CFAP47: variants seen among roughly 807,000 people sequenced by gnomAD.
The protein encoded by CFAP47 is cilia- and flagella-associated protein 47.
Under a neutral mutation model 148.1 loss-of-function variants are expected in CFAP47, and 29 were observed. The observed-to-expected ratio is 0.20, with a 90% CI of 0.15 to 0.27. The LOEUF (loss-of-function observed/expected upper bound fraction) is 0.27, where lower values mean the gene tolerates loss of function less well. CFAP47 is among the 10% of genes least tolerant of loss of function. The pLI is 1.00. For synonymous variants in CFAP47, 664 were observed against 577.3 expected (o/e 1.15, Z -2.15); for missense variants, 1,872 against 1,697.5 (o/e 1.10, Z -1.81).
chrX:35,966,357 AT>A (rs1936406096), intron 8 of CFAP47, among the ~76,000 whole-genome samples: 1 of 104,565 alleles, frequency 9.6e-6, no homozygotes, highest in African/African-American at 3.5e-5. Flanking sequence ...AAAATAAAAA[AT>A]TTTAATAATT....
intron 45 of CFAP47, among the ~76,000 whole-genome samples, chrX:36,216,606 A>G (rs903555986): frequency 8.9e-6 from 1 of 112,026 alleles, no homozygotes; most frequent in African/African-American, 3.2e-5. Context: ...GAGTTTTATT[A>G]TTACTTAAAT....
Position 36,233,948 on chromosome X carries a change from C to T in CFAP47, c.7015-1986C>T, listed in dbSNP as rs181139210. Among the ~76,000 whole-genome samples the T allele has an allele frequency of 9.3e-3, 1,038 of 111,625 alleles. 15 individuals are homozygous for T. The highest frequency in any genetic ancestry group is 0.032 in the African/African-American group (966 of 30,653). ...TAAGAATGTTGAATATTGGCCCCCACTCTCTTCTGGCTTGTAGAGTTTCTA... is the reference window on the plus strand; with the variant it reads ...TAAGAATGTTGAATATTGGCCCCCATTCTCTTCTGGCTTGTAGAGTTTCTA... On this transcript the variant is annotated intron_variant, in intron 46 of 63. Coordinates refer to ENST00000378653, the MANE Select transcript of CFAP47 (RefSeq NM_001304548.2).
chrX:36,119,970 T>C (rs1019081263), intron 33 of CFAP47, among the ~76,000 whole-genome samples: 1 of 109,919 alleles, frequency 9.1e-6, no homozygotes. Context: ...TAAAGGTTTG[T>C]CAATTTTGTT....
At chrX:36,255,319 A>G (rs782191841) in intron 49 of CFAP47, among the ~76,000 whole-genome samples, 2 of 112,662 alleles carry the variant, frequency 1.8e-5, no homozygotes, top group African/African-American at 6.4e-5. Flanking sequence ...TGTTATGAGC[A>G]ACACTTGTGG....
intron 55 of CFAP47, among the ~76,000 whole-genome samples, chrX:36,310,121 C>G (rs189238919): frequency 6.1e-3 from 679 of 110,550 alleles, no homozygotes; most frequent in African/African-American, 0.021. Flanking sequence ...CTGCACATTA[C>G]CAAAGTGTTT....
intron 37 of CFAP47, among the ~76,000 whole-genome samples, chrX:36,158,967 GTAAT>G (rs1006939405): frequency 1.8e-5 from 2 of 111,619 alleles, no homozygotes; most frequent in Non-Finnish European, 3.8e-5. Flanking sequence ...ATTCCTTTTT[GTAAT>G]TAATTAAATG....
intron 57 of CFAP47, among the ~76,000 whole-genome samples, chrX:36,340,454 G>A (rs4641223): frequency 0.33 from 36,426 of 110,861 alleles, 7,017 homozygotes; most frequent in African/African-American, 0.73. Flanking sequence ...TAGAGGCTAC[G>A]AGTCCAATGT....
At position 36,204,892 on chromosome X, in the gene CFAP47, T is replaced by C. The variant is rs782145002; in HGVS notation, c.6664-65T>C. The C allele has an allele frequency of 8.9e-5, 26 of 293,727 alleles. No homozygotes were observed. The South Asian group carries it at 5.0e-3, about 57-fold the overall frequency. The allele number at this position is 293,727 out of a possible 1,213,427, so 24.2% of individuals were successfully genotyped here. On this transcript the variant is annotated intron_variant, in intron 44 of 63. Coordinates refer to ENST00000378653, the MANE Select transcript of CFAP47 (RefSeq NM_001304548.2). Reference sequence around the variant, plus strand: ...AAGGTATAGTCTAAATACATAATGCTGTCTTTTGTGTTTTGGAGGTGAAAG... The same window carrying C: ...AAGGTATAGTCTAAATACATAATGCCGTCTTTTGTGTTTTGGAGGTGAAAG...
At chrX:36,051,257 A>G (rs1156619186) in intron 26 of CFAP47, among the ~76,000 whole-genome samples, 1 of 111,100 alleles carries the variant, frequency 9.0e-6, no homozygotes, top group African/African-American at 3.3e-5. Flanking sequence ...CAGATCCACC[A>G]TCTTCCAGCC....
intron 4 of CFAP47, 29 bp from the exon 5 acceptor site, chrX:35,951,102 A>G (rs1281270561): frequency 2.1e-5 from 21 of 1,004,730 alleles, no homozygotes; most frequent in Non-Finnish European, 2.8e-5. Context: ...TAAAATATGT[A>G]TGTATGTGCA....
At chrX:36,303,117 A>G (rs1370374652) in intron 53 of CFAP47, among the ~76,000 whole-genome samples, 1 of 112,034 alleles carries the variant, frequency 8.9e-6, no homozygotes, top group African/African-American at 3.2e-5. Context: ...AGGGTTCACC[A>G]TGACCATGCT....
intron 49 of CFAP47, among the ~76,000 whole-genome samples, chrX:36,260,918 C>T (rs1375293940): frequency 9.0e-6 from 1 of 111,155 alleles, no homozygotes; most frequent in African/African-American, 3.3e-5. Context: ...CAGTCTTCTG[C>T]ATATGGCTAG....
At chrX:36,125,836 T>C (rs941551394) in intron 33 of CFAP47, among the ~76,000 whole-genome samples, 1 of 111,334 alleles carries the variant, frequency 9.0e-6, no homozygotes, top group Non-Finnish European at 1.9e-5. Context: ...TACCTTTTAA[T>C]GTATTGTCTA....
At chrX:36,344,598 C>A (rs1181774424) in intron 57 of CFAP47, among the ~76,000 whole-genome samples, 2 of 111,804 alleles carry the variant, frequency 1.8e-5, no homozygotes, top group Non-Finnish European at 3.8e-5. Context: ...TCAATTTAAA[C>A]GTTAAAAGAA....
intron 8 of CFAP47, among the ~76,000 whole-genome samples, chrX:35,960,380 G>GAAAAA (rs1188987905): frequency 2.6e-4 from 4 of 15,480 alleles, no homozygotes; most frequent in Admixed American, 1.1e-3. Context: ...GCTAATTTCT[G>GAAAAA]AAAAAAAAAA....
rs919325666 is a variant in CFAP47 at position 36,350,224 on chromosome X, G to A, written c.8698+92G>A. The A allele has an allele frequency of 4.7e-5, 27 of 569,077 alleles. No homozygotes were observed. In the Admixed American group the frequency reaches 7.5e-4, roughly 16 times the overall value. The allele number at this position is 569,077 out of a possible 1,213,427, so 46.9% of individuals were successfully genotyped here. A position where few individuals can be genotyped will look rare whatever the true frequency, so the allele number is the denominator to read the frequency against. ...CTTTTTTGTTTGAAGTCCAGAGAAA[G>A]TAGGTAGTAATGTGAACAGTCCTAC... is the stretch of plus-strand genomic sequence containing the variant. On this transcript the variant is annotated intron_variant, in intron 59 of 63. Coordinates refer to ENST00000378653, the MANE Select transcript of CFAP47 (RefSeq NM_001304548.2).
intron 42 of CFAP47, among the ~76,000 whole-genome samples, chrX:36,190,757 GAGAC>G (rs1264947601): frequency 9.0e-6 from 1 of 111,182 alleles, no homozygotes; most frequent in Admixed American, 9.6e-5. Context: ...GAGGGGGAGA[GAGAC>G]AGAGAGGGTT....
At chrX:36,378,731 G>A (rs781787421) in intron 62 of CFAP47, among the ~76,000 whole-genome samples, 97 of 109,259 alleles carry the variant, frequency 8.9e-4, no homozygotes, top group Non-Finnish European at 1.7e-3. Flanking sequence ...AGTAGAGATG[G>A]GGTTTCACCC....
At chrX:35,980,792 C>G (rs368827408) in intron 15 of CFAP47, among the ~76,000 whole-genome samples, 3 of 110,719 alleles carry the variant, frequency 2.7e-5, no homozygotes, top group African/African-American at 9.8e-5. Flanking sequence ...TTCCGCAAAC[C>G]TCTTTTGCTA....
Sources: allele counts gnomAD v4.1 joint callset (sites outside exome capture counted in the v4.1 genomes callset), GRCh38; gene constraint gnomAD v4.1.1; transcripts MANE v1.5; gene names NCBI Gene and HGNC (gene_info 2026-07-23, HGNC 2026-07-21).